Variants in PHACTR1 observed in about 807,000 individuals in gnomAD.
PHACTR1 encodes phosphatase and actin regulator 1, also known as RPEL repeat containing 1.
A neutral mutation model predicts 69.2 loss-of-function variants in PHACTR1; 16 were observed. The ratio of observed to expected loss-of-function variants is 0.23; its 90% CI spans 0.16 to 0.35. The LOEUF (loss-of-function observed/expected upper bound fraction) is 0.35, where lower values mean the gene tolerates loss of function less well. PHACTR1 is among the 10% of genes least tolerant of loss of function. The pLI is 1.00. For synonymous variants in PHACTR1, 312 were observed against 284.5 expected (o/e 1.10, Z -0.97); for missense variants, 510 against 734.7 (o/e 0.69, Z 3.54).
intron 4 of PHACTR1, among the ~76,000 whole-genome samples, chr6:12,947,440 TAAAG>T (rs1790812426): frequency 6.6e-6 from 1 of 151,154 alleles, no homozygotes; most frequent in Non-Finnish European, 1.5e-5. Flanking sequence ...CAATGAGAAA[TAAAG>T]AAGACATGGG....
intron 8 of PHACTR1, among the ~76,000 whole-genome samples, chr6:13,209,576 A>G (rs1766488134): frequency 6.6e-6 from 1 of 152,226 alleles, no homozygotes; most frequent in Non-Finnish European, 1.5e-5. Flanking sequence ...ACAAAGTTGA[A>G]TGGTGAATTA....
intron 4 of PHACTR1, among the ~76,000 whole-genome samples, chr6:12,898,994 A>G (rs909084592): frequency 7.9e-5 from 12 of 151,216 alleles, no homozygotes; most frequent in African/African-American, 2.7e-4. Flanking sequence ...AAGCTACCCC[A>G]CTCCACTTCT....
intron 8 of PHACTR1, among the ~76,000 whole-genome samples, chr6:13,216,150 G>C (rs1430464999): frequency 6.6e-6 from 1 of 152,150 alleles, no homozygotes; most frequent in African/African-American, 2.4e-5. Flanking sequence ...ATCCCTCCAA[G>C]CTCTAGAATT....
At chr6:13,129,211 C>G (rs1268989797) in intron 5 of PHACTR1, among the ~76,000 whole-genome samples, 1 of 151,874 alleles carries the variant, frequency 6.6e-6, no homozygotes, top group East Asian at 1.9e-4. Context: ...CCTTAAAGCA[C>G]AAATCTCATA....
intron 5 of PHACTR1, among the ~76,000 whole-genome samples, chr6:13,102,378 A>T (rs188946852): frequency 8.9e-4 from 135 of 152,328 alleles, no homozygotes; most frequent in African/African-American, 3.1e-3. Context: ...TGGCCTTATG[A>T]AAAACCATGG....
At chr6:12,772,385 A>T (rs766867055) in intron 4 of PHACTR1, among the ~76,000 whole-genome samples, 34 of 152,350 alleles carry the variant, frequency 2.2e-4, no homozygotes, top group Non-Finnish European at 3.5e-4. Flanking sequence ...TATGTTACAT[A>T]TACATGTTTC....
intron 8 of PHACTR1, among the ~76,000 whole-genome samples, chr6:13,212,519 C>A (rs1247794410): frequency 6.6e-6 from 1 of 152,104 alleles, no homozygotes; most frequent in African/African-American, 2.4e-5. Context: ...GTGTTTCTCT[C>A]TATATTCTGT....
chr6:12,985,114 G>T (rs1795977258), intron 4 of PHACTR1, among the ~76,000 whole-genome samples: 1 of 152,132 alleles, frequency 6.6e-6, no homozygotes, highest in Non-Finnish European at 1.5e-5. Context: ...TTTATTAATA[G>T]AATATGAGGT....
intron 4 of PHACTR1, among the ~76,000 whole-genome samples, chr6:13,003,951 C>CATATATATA (rs1491113560): frequency 8.6e-5 from 8 of 93,558 alleles, no homozygotes; most frequent in South Asian, 3.3e-4. Context: ...AGTAGTATTC[C>CATATATATA]TATATATATA....
At chr6:12,982,134 C>A (rs987621471) in intron 4 of PHACTR1, among the ~76,000 whole-genome samples, 2 of 152,176 alleles carry the variant, frequency 1.3e-5, no homozygotes, top group Admixed American at 6.5e-5. Flanking sequence ...TGTAAGGTTG[C>A]TTTTCACCTA....
intron 7 of PHACTR1, among the ~76,000 whole-genome samples, chr6:13,197,540 C>CT (rs147539684): frequency 0.021 from 3,151 of 149,928 alleles, 95 homozygotes; most frequent in African/African-American, 0.072. Context: ...TTCTGAGTTC[C>CT]TTTTTTTTTT....
chr6:13,283,910 C>G lies in PHACTR1; in HGVS notation c.1650+348C>G. The G allele has an allele frequency of 3.8e-6, 1 of 266,026 alleles. No homozygotes were observed. Among genetic ancestry groups the G allele is most frequent in the Non-Finnish European group, 7.4e-6 (1 of 135,710 alleles). 16.5% of individuals were successfully genotyped at this position (266,026 alleles called of 1,614,324 possible). Reference sequence around the variant, plus strand: ...CAGCCCTTCCGTATAGGGGATGGTGCTGCCGGCATCCAACGAGGGATTCAC... The same window carrying G: ...CAGCCCTTCCGTATAGGGGATGGTGGTGCCGGCATCCAACGAGGGATTCAC... On this transcript the variant is annotated intron_variant, in intron 13 of 14. Transcript: ENST00000332995. This position sits in a 1 kb window ranked among gnomAD's most constrained non-coding sequence, Gnocchi z 4.7.
chr6:13,190,816 C>A (rs1047612654), intron 7 of PHACTR1, among the ~76,000 whole-genome samples: 1 of 123,892 alleles, frequency 8.1e-6, no homozygotes, highest in Admixed American at 8.6e-5. Flanking sequence ...TTAATATATT[C>A]TCAGAACTTA....
chr6:13,006,588 G>T (rs1798823099), intron 4 of PHACTR1, among the ~76,000 whole-genome samples: 1 of 150,856 alleles, frequency 6.6e-6, no homozygotes, highest in Non-Finnish European at 1.5e-5. Flanking sequence ...TATTAAATAA[G>T]GTGATATATA....
intron 4 of PHACTR1, among the ~76,000 whole-genome samples, chr6:12,918,696 TC>T (rs1787291492): frequency 6.6e-6 from 1 of 152,220 alleles, no homozygotes; most frequent in Non-Finnish European, 1.5e-5. Flanking sequence ...TCATATAAAA[TC>T]ACTAGCCAGT....
At chr6:13,195,906 C>A (rs1249447337) in intron 7 of PHACTR1, among the ~76,000 whole-genome samples, 2 of 151,994 alleles carry the variant, frequency 1.3e-5, no homozygotes, top group African/African-American at 4.8e-5. Context: ...TTTTTCTTTC[C>A]TTGTCTGAAG....
At chr6:12,875,739 G>C (rs189591647) in intron 4 of PHACTR1, among the ~76,000 whole-genome samples, 1 of 152,276 alleles carries the variant, frequency 6.6e-6, no homozygotes, top group African/African-American at 2.4e-5. Flanking sequence ...CCAGTTAATG[G>C]AGAATTTGCT....
chr6:13,122,366 A>C (rs935167935), intron 5 of PHACTR1, among the ~76,000 whole-genome samples: 3 of 152,182 alleles, frequency 2.0e-5, no homozygotes, highest in Admixed American at 6.5e-5. Context: ...AACCCTCCCA[A>C]GGGAAGAGAT....
chr6:13,224,494 G>C (rs899463496), intron 8 of PHACTR1, among the ~76,000 whole-genome samples: 1 of 152,190 alleles, frequency 6.6e-6, no homozygotes, highest in Non-Finnish European at 1.5e-5. Context: ...TGGCAGGCAC[G>C]TGACATTATG....
Sources: allele counts gnomAD v4.1 joint callset (sites outside exome capture counted in the v4.1 genomes callset), GRCh38; gene constraint gnomAD v4.1.1; non-coding constraint Gnocchi (gnomAD v3.1); transcripts MANE v1.5; gene names NCBI Gene and HGNC (gene_info 2026-07-23, HGNC 2026-07-21).